Variants in SHISAL1 observed in about 807,000 individuals in gnomAD.
SHISAL1 encodes the protein shisa like 1.
In SHISAL1, 9 loss-of-function variants were observed where a neutral mutation model predicts 22.6. The ratio of observed to expected loss-of-function variants is 0.40; its 90% CI spans 0.24 to 0.70. The LOEUF (loss-of-function observed/expected upper bound fraction) is 0.70. Among genes scored for constraint, SHISAL1 ranks in the 30% least tolerant of loss-of-function variants. The pLI, the probability that SHISAL1 is intolerant of heterozygous loss-of-function variation, is 0.39. For missense variants in SHISAL1, 246 were observed against 270.6 expected, an observed-to-expected ratio of 0.91 and a Z score of 0.64; for synonymous variants, 119 against 115.4, an observed-to-expected ratio of 1.03 and a Z score of -0.20.
chr22:44,250,753 G>C (rs1293186683), intron 4 of SHISAL1, among the ~76,000 whole-genome samples: 2 of 152,204 alleles, frequency 1.3e-5, no homozygotes, highest in Admixed American at 1.3e-4. Context: ...GCAGAAACTT[G>C]GTTCTGGTGG....
intron 1 of SHISAL1, among the ~76,000 whole-genome samples, chr22:44,307,634 A>G (rs2055488692): frequency 6.6e-6 from 1 of 152,062 alleles, no homozygotes; most frequent in South Asian, 2.1e-4. Flanking sequence ...TCGTTGTTTG[A>G]CCATGGCCAG....
At position 44,285,680 on chromosome 22, in the gene SHISAL1, T is replaced by G; in HGVS notation, c.347A>C (p.Asp116Ala). 1.2e-6 allele frequency: 2 copies of G among 1,614,008 alleles called. No homozygotes were observed. Among genetic ancestry groups the G allele is most frequent in the Non-Finnish European group, 1.7e-6 (2 of 1,179,974 alleles). The change falls in exon 4 of 5, where the codon GAC becomes GCC. Residue 116 changes from aspartate (D) to alanine (A), a missense_variant. Around this residue, in one of 2 missense-constraint regions of SHISAL1, gnomAD observed 110 missense variants for 153.1 expected, o/e 0.72. Transcript: ENST00000381176. ...GTTCATTGCCGAGTAATACAAAAGG[T>G]CCAGAACCAGCAGCATCAACACGAA... is the stretch of plus-strand genomic sequence containing the variant. Reference protein sequence around the residue: ...GFFVLMLLVLDLLYYSAMNYD... With the variant: ...GFFVLMLLVLALLYYSAMNYD...
chr22:44,306,329 G>A (rs2055472109), intron 1 of SHISAL1, among the ~76,000 whole-genome samples: 1 of 112,298 alleles, frequency 8.9e-6, no homozygotes, highest in African/African-American at 3.0e-5. Context: ...GGCATGTGTG[G>A]AGGGTACCTG....
chr22:44,255,043 T>C (rs2055074770), intron 4 of SHISAL1, among the ~76,000 whole-genome samples: 1 of 152,152 alleles, frequency 6.6e-6, no homozygotes, highest in South Asian at 2.1e-4. Context: ...CAGTCCCCTC[T>C]CCTGATCCTC....
At chr22:44,314,194 G>A (rs1160386303), upstream of SHISAL1, among the ~76,000 whole-genome samples, 4 of 150,628 alleles carry the variant, frequency 2.7e-5, no homozygotes, top group East Asian at 2.0e-4. Flanking sequence ...TGAGTCGGGC[G>A]GTGGGGCGGG....
chr22:44,265,262 G>A (rs1332617398), intron 4 of SHISAL1, among the ~76,000 whole-genome samples: 2 of 152,238 alleles, frequency 1.3e-5, no homozygotes, highest in East Asian at 3.9e-4. Context: ...GGGATGGGAT[G>A]TCCCTTCCAA....
intron 4 of SHISAL1, among the ~76,000 whole-genome samples, chr22:44,262,206 G>A (rs1209384651): frequency 6.6e-6 from 1 of 152,202 alleles, no homozygotes; most frequent in African/African-American, 2.4e-5. Context: ...TTGTTGGGAC[G>A]ACAGGGAGGG....
chr22:44,292,681 C>G (rs1337224212), intron 3 of SHISAL1, among the ~76,000 whole-genome samples: 1 of 152,200 alleles, frequency 6.6e-6, no homozygotes, highest in Non-Finnish European at 1.5e-5. Flanking sequence ...AGCCCTGCAT[C>G]CCGCTCCCCA....
chr22:44,284,927 C>CTTCCTTCCTTCCT (rs1330617619), intron 4 of SHISAL1, among the ~76,000 whole-genome samples: 34 of 152,178 alleles, frequency 2.2e-4, no homozygotes, highest in African/African-American at 7.5e-4. Context: ...TCCTTCCTTC[C>CTTCCTTCCTTCCT]TTCCTTCCTT....
chr22:44,322,524 T>C, the SHISAL1 span, among the ~76,000 whole-genome samples: 27,921 of 152,202 alleles, frequency 0.18, 2,679 homozygotes, highest in East Asian at 0.31. Context: ...AACACCTCCC[T>C]TGACTTTCAG....
rs1338505394 is a variant in SHISAL1, at chr22:44,285,483, A to C, written c.544T>G (p.Leu182Val). The change falls in exon 4 of 5, where the codon TTG becomes GTG. Residue 182 changes from leucine (L) to valine (V), a missense_variant. Transcript: ENST00000381176. ...LPQAPQAVHT[L>V]RGDAHSPPLM... is the part of the protein sequence containing the mutation. ...GGTGGGCTGTGAGCATCTCCCCGCA[A>C]TGTGTGCACGGCCTGTGGGGCTTGT... The C allele has an allele frequency of 1.2e-6, 2 of 1,613,884 alleles. No homozygotes were observed. Among genetic ancestry groups the C allele is most frequent in the East Asian group, 4.5e-5 (2 of 44,884 alleles).
chr22:44,295,675 A>G (rs12159191), intron 3 of SHISAL1, among the ~76,000 whole-genome samples: 30,007 of 152,142 alleles, frequency 0.2, 3,319 homozygotes, highest in East Asian at 0.3. Flanking sequence ...CTTCATATAT[A>G]AAAAGCACCC....
upstream of SHISAL1, among the ~76,000 whole-genome samples, chr22:44,313,397 G>A (rs987160531): frequency 5.9e-5 from 9 of 152,324 alleles, no homozygotes; most frequent in Middle Eastern, 3.4e-3. Flanking sequence ...GGGGAGGAAG[G>A]GTAGCTGGGA....
intron 1 of SHISAL1, among the ~76,000 whole-genome samples, chr22:44,302,339 C>CAAA (rs35335428): frequency 1.2e-4 from 12 of 97,984 alleles, no homozygotes; most frequent in African/African-American, 4.6e-4. Context: ...GACTCCGTCT[C>CAAA]AAAAAAAAAA....
intron 4 of SHISAL1, among the ~76,000 whole-genome samples, chr22:44,269,235 C>A (rs2055187797): frequency 6.6e-6 from 1 of 150,570 alleles, no homozygotes; most frequent in Admixed American, 6.6e-5. Flanking sequence ...GCCACACAGA[C>A]CCTCACAATA....
Position 44,272,400 on chromosome 22 carries a change from TA to T in SHISAL1, c.599+13027del, listed in dbSNP as rs200202661. Among the ~76,000 whole-genome samples the T allele has an allele frequency of 3.5e-3, 530 of 152,340 alleles. 5 individuals carry two copies. Among genetic ancestry groups the T allele is most frequent in the East Asian group, 0.021 (109 of 5,186 alleles). ...CTACACATCACTGGACAGAGTTCCT[TA>T]AGAGCAGGGGCCCGGCCTTTTTCAT... On this transcript the variant is annotated intron_variant, in intron 4 of 4. Coordinates refer to ENST00000381176, the MANE Select transcript of SHISAL1 (RefSeq NM_001099294.2).
chr22:44,284,854 C>A (rs540991613), intron 4 of SHISAL1, among the ~76,000 whole-genome samples: 3 of 144,686 alleles, frequency 2.1e-5, no homozygotes, highest in Admixed American at 2.0e-4. Flanking sequence ...GGGGCAGCCA[C>A]CCCACAAGGC....
intron 1 of SHISAL1, among the ~76,000 whole-genome samples, chr22:44,306,812 G>A (rs7511467): frequency 0.3 from 39,016 of 130,368 alleles, 5,611 homozygotes; most frequent in East Asian, 0.37. Context: ...TGATGACGAC[G>A]GCGTGTGTGG....
At chr22:44,319,917 C>T in the SHISAL1 span, among the ~76,000 whole-genome samples, 34,903 of 151,844 alleles carry the variant, frequency 0.23, 4,373 homozygotes, top group East Asian at 0.52. Context: ...CAGGGATGGG[C>T]GGCGGGGTGG....
Sources: allele counts gnomAD v4.1 joint callset (sites outside exome capture counted in the v4.1 genomes callset), GRCh38; gene constraint gnomAD v4.1.1; regional missense constraint gnomAD v4.1.1; transcripts MANE v1.5; gene names NCBI Gene and HGNC (gene_info 2026-07-23, HGNC 2026-07-21).